The following UBE2D3 variants were observed in gnomAD, a reference collection of about 807,000 sequenced individuals.
The protein encoded by UBE2D3 is ubiquitin-conjugating enzyme E2 D3.
UBE2D3 carries 2 observed loss-of-function variants against 22.8 expected under a neutral mutation model. The observed-to-expected ratio is 0.09, with a 90% CI of 0.04 to 0.28. The LOEUF is 0.28. UBE2D3 is among the 10% of genes least tolerant of loss of function. The pLI is 1.00. For synonymous variants in UBE2D3, 56 were observed against 60.4 expected (o/e 0.93, Z 0.34); for missense variants, 27 against 182.5 (o/e 0.15, Z 4.91).
At chr4:102,835,993 C>A (rs1258848697) in intron 1 of UBE2D3, among the ~76,000 whole-genome samples, 2 of 152,056 alleles carry the variant, frequency 1.3e-5, no homozygotes, top group East Asian at 1.9e-4. Flanking sequence ...TCTTGTCTGC[C>A]TTTTTTCACT....
intron 2 of UBE2D3, among the ~76,000 whole-genome samples, chr4:102,814,457 CTTTT>C (rs574701413): frequency 2.8e-4 from 33 of 119,116 alleles, no homozygotes; most frequent in South Asian, 8.1e-4. Context: ...CCTGGCTATT[CTTTT>C]TTTTTTTTTT....
At position 102,797,176 on chromosome 4, in the gene UBE2D3, T is replaced by C; in HGVS notation, c.*239A>G. On this transcript the variant is annotated 3_prime_UTR_variant, in exon 8 of 8. Coordinates refer to ENST00000453744, the MANE Select transcript of UBE2D3 (RefSeq NM_181891.3). ...TTTTTTTTTTTAAAAATTCTGAGTCTTGGGCAACTGTTCTCTTGTAACTAC... is the reference window on the plus strand; with the variant it reads ...TTTTTTTTTTTAAAAATTCTGAGTCCTGGGCAACTGTTCTCTTGTAACTAC... 2.7e-6 allele frequency: 1 copy of C among 372,110 alleles called. No individual in the cohort carries two copies. Among genetic ancestry groups the C allele is most frequent in the Non-Finnish European group, 4.9e-6 (1 of 205,140 alleles). The allele number at this position is 372,110 out of a possible 1,614,324, so 23.1% of individuals were successfully genotyped here. A position where few individuals can be genotyped will look rare whatever the true frequency, so the allele number is the denominator to read the frequency against.
At chr4:102,828,185 G>A, upstream of UBE2D3, 1 of 985,462 alleles carries the variant, frequency 1.0e-6, no homozygotes, top group Non-Finnish European at 1.2e-6. Flanking sequence ...TCCCCAGACT[G>A]GTAAGAGCGC....
At chr4:102,848,921 CTGTGTGTGTGTGTGTGTGTGTGTG>C (rs147050383) in intron 1 of UBE2D3, among the ~76,000 whole-genome samples, 7 of 142,832 alleles carry the variant, frequency 4.9e-5, no homozygotes, top group African/African-American at 1.6e-4. Flanking sequence ...TTATGTGTGC[CTGTGTGTGTGTGTGTGTGTGTGTG>C]TGTGTGTGTG....
At chr4:102,854,306 A>T (rs1218126154) in intron 1 of UBE2D3, among the ~76,000 whole-genome samples, 1 of 152,120 alleles carries the variant, frequency 6.6e-6, no homozygotes, top group Non-Finnish European at 1.5e-5. Context: ...CTGTTCTTAC[A>T]TGAAGTATTC....
At chr4:102,832,568 T>A (rs1418349132) in intron 1 of UBE2D3, among the ~76,000 whole-genome samples, 3 of 151,990 alleles carry the variant, frequency 2.0e-5, no homozygotes, top group African/African-American at 7.2e-5. Context: ...GAAATAATCC[T>A]GAAGAAATGT....
intron 6 of UBE2D3, among the ~76,000 whole-genome samples, chr4:102,800,149 GCTATGTGC>G (rs1265418179): frequency 6.6e-6 from 1 of 151,978 alleles, no homozygotes; most frequent in Non-Finnish European, 1.5e-5. Context: ...TTGAGTGCCT[GCTATGTGC>G]CAGTCACCAT....
At chr4:102,799,382 TATA>T (rs748218892) in intron 7 of UBE2D3, 22 bp downstream of exon 7, 1 of 1,596,754 alleles carries the variant, frequency 6.3e-7, no homozygotes, top group Non-Finnish European at 8.6e-7. Context: ...AAACCACTTT[TATA>T]ATAACTTTTT....
At chr4:102,835,541 T>G (rs1318277034) in intron 1 of UBE2D3, among the ~76,000 whole-genome samples, 1 of 152,176 alleles carries the variant, frequency 6.6e-6, no homozygotes, top group East Asian at 1.9e-4. Context: ...ACATGAGAAT[T>G]TCAGTTGCCT....
chr4:102,858,248 G>A (rs1272375282), intron 1 of UBE2D3, among the ~76,000 whole-genome samples: 1 of 151,926 alleles, frequency 6.6e-6, no homozygotes. Flanking sequence ...TATTAAAATA[G>A]TGTGTTATCA....
At chr4:102,799,836 G>GA (rs1300843376) in intron 6 of UBE2D3, among the ~76,000 whole-genome samples, 1 of 146,366 alleles carries the variant, frequency 6.8e-6, no homozygotes, top group Admixed American at 6.8e-5. Context: ...AGTGGCTGGG[G>GA]GGGGGGGGAC....
At chr4:102,833,643 T>C (rs1731231712) in intron 1 of UBE2D3, among the ~76,000 whole-genome samples, 1 of 152,238 alleles carries the variant, frequency 6.6e-6, no homozygotes, top group African/African-American at 2.4e-5. Flanking sequence ...ACCTTGTGAC[T>C]TTTGAGTCAA....
At chr4:102,824,009 C>G (rs1730044788) in intron 2 of UBE2D3, among the ~76,000 whole-genome samples, 1 of 152,164 alleles carries the variant, frequency 6.6e-6, no homozygotes, top group Non-Finnish European at 1.5e-5. Flanking sequence ...GGTGCCTAAA[C>G]CGAAGAGCAT....
chr4:102,822,412 A>G (rs1729760273), intron 2 of UBE2D3, among the ~76,000 whole-genome samples: 1 of 152,218 alleles, frequency 6.6e-6, no homozygotes, highest in African/African-American at 2.4e-5. Flanking sequence ...GTTCACTCTA[A>G]GACATCCTAA....
At chr4:102,829,508 T>C (rs562342892), upstream of UBE2D3, among the ~76,000 whole-genome samples, 1 of 152,284 alleles carries the variant, frequency 6.6e-6, no homozygotes, top group Admixed American at 6.5e-5. Flanking sequence ...AAGTAAGTAA[T>C]AATGACTGTC....
chr4:102,802,944 A>C (rs75259534), intron 4 of UBE2D3, among the ~76,000 whole-genome samples: 1,815 of 152,316 alleles, frequency 0.012, 16 homozygotes, highest in Non-Finnish European at 0.02. Flanking sequence ...AAGCCTACAT[A>C]ATCATGTTTC....
chr4:102,867,147 A>T (rs1047778350), intron 1 of UBE2D3, among the ~76,000 whole-genome samples: 6 of 152,250 alleles, frequency 3.9e-5, no homozygotes, highest in Non-Finnish European at 7.3e-5. Context: ...AACAATTATA[A>T]TGATAGAAAA....
At chr4:102,852,359 C>A (rs1732402525) in intron 1 of UBE2D3, among the ~76,000 whole-genome samples, 1 of 152,168 alleles carries the variant, frequency 6.6e-6, no homozygotes, top group Non-Finnish European at 1.5e-5. Flanking sequence ...GACCTGAGAG[C>A]AAGCAAACCT....
intron 1 of UBE2D3, among the ~76,000 whole-genome samples, chr4:102,854,842 A>G (rs1560892533): frequency 2.6e-5 from 4 of 152,244 alleles, no homozygotes; most frequent in African/African-American, 7.2e-5. Flanking sequence ...AGAGGAAACC[A>G]TAGTTAGTGT....
Sources: gnomAD v4.1 joint callset for allele counts (sites outside exome capture counted in the v4.1 genomes callset) on GRCh38, gnomAD v4.1.1 for gene constraint, MANE v1.5 for transcripts, NCBI Gene and HGNC (gene_info 2026-07-23, HGNC 2026-07-21) for gene names.